KRT2: variants seen among roughly 807,000 people sequenced by gnomAD.
The protein encoded by KRT2 is keratin 2.
A neutral mutation model predicts 48.5 loss-of-function variants in KRT2; 37 were observed. That is an observed-to-expected ratio of 0.76 (90% CI 0.59 to 1.00). The LOEUF (loss-of-function observed/expected upper bound fraction) is 1.00, where lower values mean the gene tolerates loss of function less well. Ranked by LOEUF, KRT2 falls within the 50% of genes least tolerant of loss-of-function variation. The pLI, the probability that KRT2 is intolerant of heterozygous loss-of-function variation, is 0.00. For synonymous variants in KRT2, 324 were observed against 312.2 expected (o/e 1.04, Z -0.40); for missense variants, 880 against 815.2 (o/e 1.08, Z -0.97).
At chr12:52,651,066 C>T (rs918004959) in intron 1 of KRT2, among the ~76,000 whole-genome samples, 5 of 152,146 alleles carry the variant, frequency 3.3e-5, no homozygotes, top group Admixed American at 2.6e-4. Flanking sequence ...AGTAACACTC[C>T]GAAGTGACAC....
chr12:52,650,586 T>C, intron 1 of KRT2, 33 bp from the exon 2 acceptor site: 1 of 1,576,098 alleles, frequency 6.3e-7, no homozygotes, highest in Non-Finnish European at 8.7e-7. Context: ...ACATGAGTTC[T>C]AGATCATCCT....
At chr12:52,651,355 C>A (rs1291124664) in intron 1 of KRT2, among the ~76,000 whole-genome samples, 2 of 152,180 alleles carry the variant, frequency 1.3e-5, no homozygotes, top group African/African-American at 4.8e-5. Context: ...GTCAAAGGGA[C>A]AAATGCTTCC....
At chr12:52,649,183 C>T (rs1592256531) in intron 3 of KRT2, 81 bp from the exon 4 acceptor site, 1 of 876,202 alleles carries the variant, frequency 1.1e-6, no homozygotes, top group Admixed American at 1.7e-5. Context: ...TCTACTCAGT[C>T]CCTGCTGGCT....
Position 52,648,209 on chromosome 12 carries a change from C to G in KRT2, c.1086G>C (p.Arg362Ser), listed in dbSNP as rs965239799. Residue 362 changes from arginine (R) to serine (S), a missense_variant, in exon 5 of 9, where the codon AGG (arginine) becomes AGC (serine). Physicochemically the swap from Arg to Ser is moderately radical, Grantham distance 110. Transcript: ENST00000309680. ...ACAGGGCCTCCGCTTCTTCCTTGCT[C>G]CTCTGGGCGATCTCCTCATACTGGG... ...VKAQYEEIAQ[R>S]SKEEAEALYH... 11 of 1,614,070 alleles carry G rather than the reference C, an allele frequency of 6.8e-6. 1 individual carries two copies. Among genetic ancestry groups the G allele is most frequent in the Non-Finnish European group, 9.3e-6 (11 of 1,180,034 alleles).
Position 52,652,085 on chromosome 12 carries a change from G to A in KRT2, c.58C>T (p.Arg20Trp), listed in dbSNP as rs141817495. The change falls in exon 1 of 9, where the codon CGG becomes TGG. Residue 20 changes from arginine to tryptophan, a missense_variant. Arg to Trp is a moderately radical substitution (Grantham distance 101, BLOSUM62 -3). Transcript: ENST00000309680. ...RGRGGGGGGF[R>W]GFSSGSAVVS... ...ACAGCTGAGCCGCTGCTGAAGCCCC[G>A]GAATCCTCCTCCACCTCCTCCTCTT... The A allele has an allele frequency of 3.9e-3, 6,300 of 1,595,138 alleles. 20 individuals carry two copies. Among genetic ancestry groups the A allele is most frequent in the Non-Finnish European group, 4.7e-3 (5,510 of 1,176,888 alleles).
At position 52,651,615 on chromosome 12, in the gene KRT2, G is replaced by A; in HGVS notation, c.528C>T (p.Ala176=). 2.5e-6 allele frequency: 4 copies of A among 1,614,040 alleles called. No homozygotes were observed. The highest frequency in any genetic ancestry group is 3.4e-6 in the Non-Finnish European group (4 of 1,180,002). The change falls in exon 1 of 9, where the codon GCC becomes GCT. Residue 176 remains alanine, a synonymous_variant. Transcript: ENST00000309680. ...GAGTTTTGATCTGCTCACGCTCTTG[G>A]GCCTTCACATTCTGGATCTCTGGGT... ...KVDPEIQNVK[A]QEREQIKTLN... is the part of the protein sequence containing the mutation.
At chr12:52,647,522 C>T (rs1168032752) in intron 6 of KRT2, among the ~76,000 whole-genome samples, 2 of 152,206 alleles carry the variant, frequency 1.3e-5, no homozygotes, top group Non-Finnish European at 2.9e-5. Context: ...CTTCGATAAT[C>T]CTTACTTTGG....
intron 6 of KRT2, 68 bp from the exon 7 acceptor site, chr12:52,647,028 T>G (rs1941177864): frequency 6.9e-7 from 1 of 1,457,318 alleles, no homozygotes; most frequent in East Asian, 2.3e-5. Context: ...GTGTTCGAAG[T>G]GCAGGAAGCC....
At chr12:52,645,487 C>G (rs1377395684) in intron 8 of KRT2, 48 bp downstream of exon 8, 7 of 1,613,926 alleles carry the variant, frequency 4.3e-6, no homozygotes, top group Non-Finnish European at 5.9e-6. Context: ...CTCCCTGCCT[C>G]CACCTGACAC....
intron 6 of KRT2, among the ~76,000 whole-genome samples, chr12:52,647,366 A>C (rs1941182271): frequency 6.6e-6 from 1 of 152,212 alleles, no homozygotes; most frequent in Admixed American, 6.5e-5. Flanking sequence ...CCCCTCTATG[A>C]AACCAGTCGG....
intron 6 of KRT2, among the ~76,000 whole-genome samples, 164 bp downstream of exon 6, chr12:52,647,566 A>G (rs1941185928): frequency 6.6e-6 from 1 of 152,244 alleles, no homozygotes; most frequent in Non-Finnish European, 1.5e-5. Context: ...AATTGTTATA[A>G]TAAGCCATAA....
At chr12:52,650,852 G>T (rs1941238944) in intron 1 of KRT2, among the ~76,000 whole-genome samples, 1 of 152,166 alleles carries the variant, frequency 6.6e-6, no homozygotes, top group African/African-American at 2.4e-5. Context: ...CCCGCATCCT[G>T]GTTGAATTTC....
Position 52,651,854 on chromosome 12 carries a change from C to CAAAGCCGCTGCCGCCTCA in KRT2, c.288_289insTGAGGCGGCAGCGGCTTT (p.Phe96_Gly97insTer). On this transcript the variant is annotated stop_gained and inframe_insertion, in exon 1 of 9. Transcript: ENST00000309680. LOFTEE classifies it high-confidence loss of function. ...CCACCTCCAAAGCTGCTGCCGCCTC[C>CAAAGCCGCTGCCGCCTCA]AAAACCACCTCCTCTGCCACCAAAT... 3 of 1,605,340 alleles carry CAAAGCCGCTGCCGCCTCA rather than the reference C, an allele frequency of 1.9e-6. No homozygotes were observed. Among genetic ancestry groups the CAAAGCCGCTGCCGCCTCA allele is most frequent in the East Asian group, 2.3e-5 (1 of 44,136 alleles).
chr12:52,650,053 C>G lies in KRT2; in HGVS notation c.801-79G>C, dbSNP rs1333014165. 12 of 1,014,088 alleles carry G rather than the reference C, an allele frequency of 1.2e-5. No individual in the cohort carries two copies. In the African/African-American group the frequency reaches 1.9e-4, roughly 16 times the overall value. 62.8% of individuals were successfully genotyped at this position (1,014,088 alleles called of 1,614,324 possible). On this transcript the variant is annotated intron_variant, in intron 2 of 8. Transcript: ENST00000309680. ...CTTTTCCTTTTATACTGGATTCACC[C>G]CAAATGCCCCATTCTCTGGGAATAT...
Position 52,645,432 on chromosome 12 carries a change from C to T in KRT2, c.1507G>A (p.Val503Met). The T allele has an allele frequency of 6.2e-7, 1 of 1,614,214 alleles. No individual in the cohort carries two copies. The highest frequency in any genetic ancestry group is 2.2e-5 in the East Asian group (1 of 44,886). ...TTTGATGAAATGGTGCTGCTTGTCA[C>T]AGCTGCAGAGAGAGGTGGTGTTACC... ...GDLSSNVTVS[V>M]TSSTISSNVA... The change falls in exon 9 of 9, where the codon GTG (valine) becomes ATG (methionine). Residue 503 changes from valine (V) to methionine (M), a missense_variant and splice_region_variant. By Grantham distance (21) the Val-to-Met change is conservative (BLOSUM62 1). Coordinates refer to ENST00000309680, the MANE Select transcript of KRT2 (RefSeq NM_000423.3).
chr12:52,651,804 G>T lies in KRT2; in HGVS notation c.339C>A (p.Phe113Leu). ...GGCCTCCACCAAAGCCGCCTCCACC[G>T]AAACCACCACCACTGAAGCCGCTGC... Reference protein sequence around the residue: ...GGGSGFSGGGFGGGGFGGGRF... With the variant: ...GGGSGFSGGGLGGGGFGGGRF... Residue 113 changes from phenylalanine (F) to leucine (L), a missense_variant, in exon 1 of 9, where the codon TTC (phenylalanine) becomes TTA (leucine). Coordinates refer to ENST00000309680, the MANE Select transcript of KRT2 (RefSeq NM_000423.3). The T allele has an allele frequency of 1.9e-6, 3 of 1,605,636 alleles. No homozygotes were observed. The highest frequency in any genetic ancestry group is 1.7e-6 in the Non-Finnish European group (2 of 1,175,240).
chr12:52,650,420 A>G lies in KRT2; in HGVS notation c.719T>C (p.Leu240Pro). 2 of 1,614,212 alleles carry G rather than the reference A, an allele frequency of 1.2e-6. No individual in the cohort carries two copies. The highest frequency in any genetic ancestry group is 1.7e-6 in the Non-Finnish European group (2 of 1,179,994). ...QGYIDSLKRYLDGLTAERTSQ... is the reference protein window; with the variant it reads ...QGYIDSLKRYPDGLTAERTSQ... ...TGTTCTTTCTGCAGTGAGCCCATCC[A>G]GATATCTCTTGAGGCTGTCGATATA... is the stretch of plus-strand genomic sequence containing the variant. The change falls in exon 2 of 9, where the codon CTG becomes CCG. Residue 240 changes from leucine to proline, a missense_variant. Coordinates refer to ENST00000309680, the MANE Select transcript of KRT2 (RefSeq NM_000423.3).
rs977080232 is a variant in KRT2, at chr12:52,645,212, C to A, written c.1727G>T (p.Gly576Val). ...GATGGACCCTCCCTTAGAGCCACCA[C>A]CAGATCCGTATCTTCCTCCAGAACC... is the stretch of plus-strand genomic sequence containing the variant. ...GGGSGGRYGS[G>V]GGSKGGSISG... The change falls in exon 9 of 9, where the codon GGT becomes GTT. Residue 576 changes from glycine to valine, a missense_variant. Transcript: ENST00000309680. The A allele has an allele frequency of 6.2e-7, 1 of 1,614,092 alleles. No individual in the cohort carries two copies. The highest frequency in any genetic ancestry group is 1.3e-5 in the African/African-American group (1 of 75,006).
chr12:52,651,306 T>C (rs2120954508), intron 1 of KRT2, among the ~76,000 whole-genome samples: 1 of 152,336 alleles, frequency 6.6e-6, no homozygotes, highest in Non-Finnish European at 1.5e-5. Context: ...GTTTTCAGAA[T>C]TTTCCATAAA....
Sources: gnomAD v4.1 joint callset for allele counts (sites outside exome capture counted in the v4.1 genomes callset) on GRCh38, gnomAD v4.1.1 for gene constraint, MANE v1.5 for transcripts, NCBI Gene and HGNC (gene_info 2026-07-23, HGNC 2026-07-21) for gene names.